The following RAB11FIP3 variants were observed in gnomAD, a reference collection of about 807,000 sequenced individuals.
RAB11FIP3 encodes rab11 family-interacting protein 3.
RAB11FIP3 carries 17 observed loss-of-function variants against 77.8 expected under a neutral mutation model. The observed-to-expected ratio is 0.22, with a 90% CI of 0.15 to 0.33. The LOEUF (loss-of-function observed/expected upper bound fraction) is 0.33. Ranked by LOEUF, RAB11FIP3 falls within the 10% of genes least tolerant of loss-of-function variation. The pLI is 1.00. For synonymous variants in RAB11FIP3, 437 were observed against 448.2 expected (o/e 0.98, Z 0.31); for missense variants, 1,005 against 1,011.2 (o/e 0.99, Z 0.08).
rs1247996416 is a variant in RAB11FIP3, at chr16:505,381, A to G, written c.1396-143A>G. 1.6e-5 allele frequency: 10 copies of G among 636,490 alleles called. No homozygotes were observed. The highest frequency in any genetic ancestry group is 2.7e-5 in the Non-Finnish European group (10 of 368,498). The allele number at this position is 636,490 out of a possible 1,614,324, so 39.4% of individuals were successfully genotyped here. On this transcript the variant is annotated intron_variant, in intron 7 of 13. Transcript: ENST00000262305. The surrounding 1 kb of genome is among the most constrained non-coding windows in gnomAD (Gnocchi z 4.0). Reference sequence around the variant, plus strand: ...TGCACCTTTGTGGGTTTATGGGACAAGTTGGATCCAACACCAGCCTAGCTA... The same window carrying G: ...TGCACCTTTGTGGGTTTATGGGACAGGTTGGATCCAACACCAGCCTAGCTA...
intron 1 of RAB11FIP3, among the ~76,000 whole-genome samples, chr16:438,484 C>T (rs959795925): frequency 1.8e-4 from 27 of 149,184 alleles, no homozygotes; most frequent in African/African-American, 6.7e-4. Context: ...CAGCTCACTG[C>T]AACCTCCGCT....
intron 1 of RAB11FIP3, among the ~76,000 whole-genome samples, chr16:429,164 T>C (rs908849440): frequency 1.3e-5 from 2 of 152,166 alleles, no homozygotes; most frequent in African/African-American, 4.8e-5. Context: ...TTTCATGTTA[T>C]GTAACCCTGT....
intron 3 of RAB11FIP3, chr16:477,739 G>GT: frequency 1.1e-6 from 1 of 908,226 alleles, no homozygotes; most frequent in Non-Finnish European, 1.3e-6. Context: ...GAATGACTTA[G>GT]TTTTTATGAA....
rs1596280668 is a variant in RAB11FIP3, at chr16:497,421, C to A, written c.1301+562C>A. On this transcript the variant is annotated intron_variant, in intron 6 of 13. Transcript: ENST00000262305. Reference sequence around the variant, plus strand: ...CTTCCCAGGGAGCCACTCAGTGTGGCTGCCGGGTGGCCTCTGCTGCCGTCA... The same window carrying A: ...CTTCCCAGGGAGCCACTCAGTGTGGATGCCGGGTGGCCTCTGCTGCCGTCA... The A allele has an allele frequency of 4.0e-6, 5 of 1,256,264 alleles. No individual in the cohort carries two copies. The Admixed American group carries it at 1.1e-4, about 27-fold the overall frequency. 77.8% of individuals were successfully genotyped at this position (1,256,264 alleles called of 1,614,324 possible).
intron 1 of RAB11FIP3, among the ~76,000 whole-genome samples, chr16:460,960 C>T (rs553263260): frequency 3.9e-5 from 6 of 152,282 alleles, no homozygotes; most frequent in East Asian, 3.9e-4. Flanking sequence ...CTGTCAGCAC[C>T]GCCCCTGTTG....
intron 3 of RAB11FIP3, among the ~76,000 whole-genome samples, chr16:480,156 G>A (rs1334140906): frequency 6.7e-6 from 1 of 150,268 alleles, no homozygotes; most frequent in Non-Finnish European, 1.5e-5. Context: ...GTGGTGGCAC[G>A]CATCTATAAT....
intron 5 of RAB11FIP3, among the ~76,000 whole-genome samples, chr16:496,356 C>T (rs986363485): frequency 6.6e-6 from 1 of 152,248 alleles, no homozygotes; most frequent in African/African-American, 2.4e-5. Context: ...GGAAAGGTTT[C>T]CAAACTGATG....
chr16:500,715 AATT>A (rs1351552203), intron 6 of RAB11FIP3, among the ~76,000 whole-genome samples: 7 of 150,196 alleles, frequency 4.7e-5, no homozygotes, highest in Admixed American at 6.6e-5. Context: ...AAAAAAAAAA[AATT>A]AAATAAGTAA....
intron 1 of RAB11FIP3, among the ~76,000 whole-genome samples, chr16:437,232 C>T (rs534364336): frequency 7.3e-5 from 10 of 137,394 alleles, no homozygotes; most frequent in South Asian, 2.4e-4. Context: ...GAGGCAAGAT[C>T]GCGCCACTGC....
At chr16:434,720 G>A (rs1411521943) in intron 1 of RAB11FIP3, among the ~76,000 whole-genome samples, 1 of 151,990 alleles carries the variant, frequency 6.6e-6, no homozygotes, top group Non-Finnish European at 1.5e-5. Flanking sequence ...CCTGGCAGAT[G>A]TATACTTTAA....
Position 471,217 on chromosome 16 carries a change from G to T in RAB11FIP3, c.809-78G>T, listed in dbSNP as rs545709952. 32 of 1,276,180 alleles carry T rather than the reference G, an allele frequency of 2.5e-5. No individual in the cohort carries two copies. The African/African-American group carries it at 3.8e-4, about 15-fold the overall frequency. The allele number at this position is 1,276,180 out of a possible 1,614,324, so 79.1% of individuals were successfully genotyped here. A position where few individuals can be genotyped will look rare whatever the true frequency, so the allele number is the denominator to read the frequency against. On this transcript the variant is annotated intron_variant, in intron 2 of 13. Coordinates refer to ENST00000262305, the MANE Select transcript of RAB11FIP3 (RefSeq NM_014700.4). The surrounding 1 kb of genome is among the most constrained non-coding windows in gnomAD (Gnocchi z 4.4). The stretch of plus-strand genomic sequence containing the variant: ...CTGTCCCTGGGGGCCTCCTTCCCAG[G>T]GAGTCCCGAGGCCGCCAGGGGTCCC...
chr16:475,983 G>A (rs2141700509), intron 3 of RAB11FIP3, among the ~76,000 whole-genome samples: 1 of 152,330 alleles, frequency 6.6e-6, no homozygotes, highest in Admixed American at 6.5e-5. Flanking sequence ...AGCCTCCTGA[G>A]TAGCTGGGAT....
chr16:464,045 C>T (rs1227326615), intron 2 of RAB11FIP3, among the ~76,000 whole-genome samples: 4 of 152,132 alleles, frequency 2.6e-5, no homozygotes, highest in Non-Finnish European at 4.4e-5. Context: ...TGAGGTGGGG[C>T]GAGGGGCCCA....
intron 5 of RAB11FIP3, among the ~76,000 whole-genome samples, chr16:489,847 C>T (rs2030014435): frequency 6.6e-6 from 1 of 152,214 alleles, no homozygotes; most frequent in East Asian, 1.9e-4. Context: ...CTTGAAGCCG[C>T]CCGTCAGCCC....
intron 9 of RAB11FIP3, among the ~76,000 whole-genome samples, chr16:517,950 C>T (rs1161649368): frequency 2.0e-5 from 3 of 152,050 alleles, no homozygotes; most frequent in African/African-American, 7.2e-5. Flanking sequence ...GGTGTGGTGG[C>T]AGTCGCCTGT....
At chr16:477,704 G>A (rs1224586358) in intron 3 of RAB11FIP3, 2 of 980,238 alleles carry the variant, frequency 2.0e-6, no homozygotes, top group Non-Finnish European at 2.4e-6. Context: ...TCCTGGTTCT[G>A]GATGTTACAG....
chr16:492,578 AG>A (rs771697851), intron 5 of RAB11FIP3, among the ~76,000 whole-genome samples: 95 of 130,110 alleles, frequency 7.3e-4, no homozygotes, highest in Non-Finnish European at 1.1e-3. Flanking sequence ...CCTCTGTTTT[AG>A]GGGAAATCAG....
At chr16:437,721 G>A (rs746330846) in intron 1 of RAB11FIP3, among the ~76,000 whole-genome samples, 17 of 152,222 alleles carry the variant, frequency 1.1e-4, no homozygotes, top group Non-Finnish European at 2.4e-4. Flanking sequence ...CCACGAGCGC[G>A]CAAGACTGTT....
chr16:457,839 C>T (rs984429106), intron 1 of RAB11FIP3, among the ~76,000 whole-genome samples: 1 of 152,198 alleles, frequency 6.6e-6, no homozygotes, highest in African/African-American at 2.4e-5. Flanking sequence ...CCAGTCTGGA[C>T]TCCGGATTAG....
Sources: allele counts gnomAD v4.1 joint callset (sites outside exome capture counted in the v4.1 genomes callset), GRCh38; gene constraint gnomAD v4.1.1; non-coding constraint Gnocchi (gnomAD v3.1); transcripts MANE v1.5; gene names NCBI Gene and HGNC (gene_info 2026-07-23, HGNC 2026-07-21).